The following KCNT2 variants were observed in gnomAD, a reference collection of about 807,000 sequenced individuals.
The protein encoded by KCNT2 is potassium channel subfamily T member 2.
A neutral mutation model predicts 153.8 loss-of-function variants in KCNT2; 67 were observed. The observed-to-expected ratio is 0.44, with a 90% CI of 0.36 to 0.53. The LOEUF is 0.53. Among genes scored for constraint, KCNT2 ranks in the 20% least tolerant of loss-of-function variants. KCNT2 has a pLI of 0.00. For synonymous variants in KCNT2, 500 were observed against 458.8 expected, an observed-to-expected ratio of 1.09 and a Z score of -1.15; for missense variants, 975 against 1,354.8, an observed-to-expected ratio of 0.72 and a Z score of 4.40.
chr1:196,234,116 C>G (rs1208748293), intron 27 of KCNT2, among the ~76,000 whole-genome samples: 1 of 151,286 alleles, frequency 6.6e-6, no homozygotes, highest in Admixed American at 6.6e-5. Context: ...CTCAATTACC[C>G]TGATTGATCA....
chr1:196,350,088 T>C (rs1446783062), intron 14 of KCNT2, among the ~76,000 whole-genome samples: 1 of 152,218 alleles, frequency 6.6e-6, no homozygotes, highest in African/African-American at 2.4e-5. Flanking sequence ...TGCCACATTT[T>C]CTTAATCCAG....
chr1:196,552,137 C>G lies in KCNT2; in HGVS notation c.95+56078G>C, dbSNP rs113447807. ...TTCCAACCCCTTTTCTTGAAACTAA[C>G]TAAAATAAATAGAAAAAATGAGAAA... On this transcript the variant is annotated intron_variant, in intron 1 of 27. Coordinates refer to ENST00000294725, the MANE Select transcript of KCNT2 (RefSeq NM_198503.5). Among the ~76,000 whole-genome samples the G allele has an allele frequency of 5.0e-3, 762 of 151,270 alleles. 6 individuals are homozygous for G. Among genetic ancestry groups the G allele is most frequent in the African/African-American group, 0.017 (721 of 41,362 alleles).
intron 13 of KCNT2, among the ~76,000 whole-genome samples, chr1:196,394,159 G>A (rs938677895): frequency 6.6e-6 from 1 of 151,572 alleles, no homozygotes; most frequent in African/African-American, 2.4e-5. Flanking sequence ...CCTGGTAAAA[G>A]AAAACGAGTT....
intron 1 of KCNT2, among the ~76,000 whole-genome samples, chr1:196,560,103 A>T (rs1659185566): frequency 6.6e-6 from 1 of 151,922 alleles, no homozygotes; most frequent in Non-Finnish European, 1.5e-5. Context: ...GTTGAGTAAA[A>T]TGCTTGCTTT....
rs114001875 is a variant in KCNT2, at chr1:196,500,558, T to C, written c.96-8217A>G. 5.6e-3 allele frequency among the ~76,000 whole-genome samples: 846 copies of C among 152,322 alleles called. 6 individuals are homozygous for C. Among genetic ancestry groups the C allele is most frequent in the African/African-American group, 0.019 (784 of 41,570 alleles). On this transcript the variant is annotated intron_variant, in intron 1 of 27. Coordinates refer to ENST00000294725, the MANE Select transcript of KCNT2 (RefSeq NM_198503.5). ...ACAAATAGTGGGCTATCCCCATAAA[T>C]AGTGGGACATGTTTGTTAAGGTCTG...
chr1:196,428,821 C>A (rs1039787110), intron 9 of KCNT2, among the ~76,000 whole-genome samples: 1 of 152,098 alleles, frequency 6.6e-6, no homozygotes, highest in African/African-American at 2.4e-5. Context: ...ATGGAATATG[C>A]AAGTTTGATT....
chr1:196,514,220 T>C (rs1171468924), intron 1 of KCNT2, among the ~76,000 whole-genome samples: 1 of 152,216 alleles, frequency 6.6e-6, no homozygotes, highest in Non-Finnish European at 1.5e-5. Context: ...TCAATACATT[T>C]GCTGAGTGTT....
intron 14 of KCNT2, among the ~76,000 whole-genome samples, chr1:196,370,009 A>T (rs1229420344): frequency 6.6e-6 from 1 of 151,986 alleles, no homozygotes; most frequent in Non-Finnish European, 1.5e-5. Context: ...GCAAATCAAA[A>T]CCACAATGAG....
chr1:196,467,453 T>TA (rs1029742103), intron 7 of KCNT2, among the ~76,000 whole-genome samples: 2 of 151,950 alleles, frequency 1.3e-5, no homozygotes, highest in South Asian at 2.1e-4. Flanking sequence ...AATGACTCAT[T>TA]AAAAAAACAT....
intron 22 of KCNT2, among the ~76,000 whole-genome samples, chr1:196,295,488 AC>A (rs1467489391): frequency 6.6e-6 from 1 of 151,708 alleles, no homozygotes; most frequent in African/African-American, 2.4e-5. Flanking sequence ...AAAAAAAAAA[AC>A]ATTGTAAAAT....
intron 8 of KCNT2, among the ~76,000 whole-genome samples, chr1:196,459,070 C>T (rs533797329): frequency 4.0e-5 from 6 of 151,674 alleles, no homozygotes; most frequent in African/African-American, 1.2e-4. Flanking sequence ...ATGAAACATA[C>T]GATCATTTGA....
At chr1:196,560,211 A>G (rs1558078072) in intron 1 of KCNT2, among the ~76,000 whole-genome samples, 1 of 151,974 alleles carries the variant, frequency 6.6e-6, no homozygotes, top group Non-Finnish European at 1.5e-5. Flanking sequence ...GCTGCAGGAG[A>G]CAGCCCTTAA....
rs568573706 is a variant in KCNT2, at chr1:196,372,060, C to T, written c.1403+1080G>A. Among the ~76,000 whole-genome samples, 6 of 152,152 alleles carry T rather than the reference C, an allele frequency of 3.9e-5. No homozygotes were observed. In the South Asian group the frequency reaches 8.3e-4, roughly 21 times the overall value. On this transcript the variant is annotated intron_variant, in intron 14 of 27. Coordinates refer to ENST00000294725, the MANE Select transcript of KCNT2 (RefSeq NM_198503.5). ...AAACACTTTCTGCAAAGAAGATAAA[C>T]GTCATTCCTAATCCTGTTACATCCT...
intron 8 of KCNT2, among the ~76,000 whole-genome samples, chr1:196,439,030 G>A (rs1202082770): frequency 1.3e-5 from 2 of 151,700 alleles, no homozygotes; most frequent in Non-Finnish European, 2.9e-5. Context: ...TGCACTTTAG[G>A]AAGCAGATAA....
intron 8 of KCNT2, among the ~76,000 whole-genome samples, chr1:196,435,139 GTA>G (rs1166021273): frequency 0.098 from 4,476 of 45,500 alleles, 211 homozygotes; most frequent in South Asian, 0.13. Flanking sequence ...GTGTGTGTAT[GTA>G]TATATATATA....
chr1:196,278,032 C>G (rs1014292416), intron 25 of KCNT2, among the ~76,000 whole-genome samples: 1 of 152,054 alleles, frequency 6.6e-6, no homozygotes, highest in South Asian at 2.1e-4. Flanking sequence ...ATCATGGTAT[C>G]TAAAATCTCC....
intron 1 of KCNT2, among the ~76,000 whole-genome samples, chr1:196,542,110 T>C (rs1410167055): frequency 6.6e-6 from 1 of 152,058 alleles, no homozygotes; most frequent in Non-Finnish European, 1.5e-5. Context: ...AAGAGTTATA[T>C]AACAATATTT....
intron 14 of KCNT2, among the ~76,000 whole-genome samples, chr1:196,354,815 C>A (rs1448595055): frequency 6.6e-6 from 1 of 151,688 alleles, no homozygotes; most frequent in Non-Finnish European, 1.5e-5. Flanking sequence ...TGGTTGCAAT[C>A]AGTTTGTTGT....
chr1:196,227,997 T>A lies in KCNT2; in HGVS notation c.*227A>T, dbSNP rs1653621925. ...TCAGATTTAAATTTTTGTATTTTAA[T>A]TTAGCTTTTCAAATTTATTCCATTG... On this transcript the variant is annotated 3_prime_UTR_variant, in exon 28 of 28. Transcript: ENST00000294725. The A allele has an allele frequency of 2.9e-6, 1 of 346,100 alleles. No homozygotes were observed. Among genetic ancestry groups the A allele is most frequent in the Non-Finnish European group, 5.2e-6 (1 of 193,578 alleles). 21.4% of individuals were successfully genotyped at this position (346,100 alleles called of 1,614,324 possible). A position where few individuals can be genotyped will look rare whatever the true frequency, so the allele number is the denominator to read the frequency against.
Sources: allele counts gnomAD v4.1 joint callset (sites outside exome capture counted in the v4.1 genomes callset), GRCh38; gene constraint gnomAD v4.1.1; transcripts MANE v1.5; gene names NCBI Gene and HGNC (gene_info 2026-07-23, HGNC 2026-07-21).